The following PDXDC1 variants were observed in gnomAD, a reference collection of about 807,000 sequenced individuals.
PDXDC1 encodes pyridoxal-dependent decarboxylase domain-containing protein 1.
PDXDC1 carries 42 observed loss-of-function variants against 100.1 expected under a neutral mutation model. The ratio of observed to expected loss-of-function variants is 0.42; its 90% CI spans 0.33 to 0.54. The LOEUF is 0.54. Ranked by LOEUF, PDXDC1 falls within the 20% of genes least tolerant of loss-of-function variation. PDXDC1 has a pLI of 0.10. For missense variants in PDXDC1, 636 were observed against 979.2 expected (o/e 0.65, Z 4.68); for synonymous variants, 260 against 371.7 (o/e 0.70, Z 3.46).
At chr16:14,994,596 T>C (rs1223135597) in intron 1 of PDXDC1, among the ~76,000 whole-genome samples, 3 of 152,416 alleles carry the variant, frequency 2.0e-5, no homozygotes, top group Non-Finnish European at 4.4e-5. Context: ...TTTGTTTTTC[T>C]GGCTTAGGAG....
At chr16:15,085,158 A>G (rs1388644140) in intron 16 of PDXDC1, among the ~76,000 whole-genome samples, 2 of 152,244 alleles carry the variant, frequency 1.3e-5, no homozygotes, top group Non-Finnish European at 2.9e-5. Context: ...TAATTTCAAG[A>G]TTTTTCTCCA....
At chr16:15,141,016 C>T (rs1228738350), downstream of PDXDC1, among the ~76,000 whole-genome samples, 2 of 150,568 alleles carry the variant, frequency 1.3e-5, no homozygotes, top group African/African-American at 5.0e-5. Flanking sequence ...GCCGGGGTGG[C>T]CTCCATCCCT....
At chr16:14,977,141 G>A (rs1349406099) in intron 1 of PDXDC1, among the ~76,000 whole-genome samples, 1 of 152,260 alleles carries the variant, frequency 6.6e-6, no homozygotes, top group African/African-American at 2.4e-5. Context: ...ATTCCAGTGT[G>A]TTTAATATTG....
rs1478472622 is a variant in PDXDC1 at position 14,992,425 on chromosome 16, G to C, written c.22-5328G>C. On this transcript the variant is annotated intron_variant, in intron 1 of 22. Coordinates refer to ENST00000396410, the MANE Select transcript of PDXDC1 (RefSeq NM_015027.4). ...CTGTTTATCATTTGGCTAGGTGGTAGGGGACACACGGGAGTGTCACAGCAG... is the reference window on the plus strand; with the variant it reads ...CTGTTTATCATTTGGCTAGGTGGTACGGGACACACGGGAGTGTCACAGCAG... Among the ~76,000 whole-genome samples the C allele has an allele frequency of 3.9e-5, 6 of 152,400 alleles. No homozygotes were observed. In the South Asian group the frequency reaches 6.2e-4, roughly 16 times the overall value.
chr16:14,997,558 A>G (rs551438852), intron 1 of PDXDC1, among the ~76,000 whole-genome samples, 195 bp from the exon 2 acceptor site: 1 of 152,404 alleles, frequency 6.6e-6, no homozygotes, highest in African/African-American at 2.4e-5. Flanking sequence ...AAATAAAAAC[A>G]GCGGCTTCCT....
chr16:15,019,870 T>C (rs1231253415), intron 12 of PDXDC1, among the ~76,000 whole-genome samples: 1 of 152,270 alleles, frequency 6.6e-6, no homozygotes, highest in Non-Finnish European at 1.5e-5. Flanking sequence ...TCCAGCACTT[T>C]GGGAGGCTGA....
intron 16 of PDXDC1, chr16:15,133,547 A>G: frequency 1.0e-6 from 1 of 992,840 alleles, no homozygotes. Context: ...GGCCAGGCCC[A>G]CCTCGAAGTG....
chr16:15,093,703 C>T (rs2046233457), intron 16 of PDXDC1, among the ~76,000 whole-genome samples: 1 of 152,072 alleles, frequency 6.6e-6, no homozygotes, highest in Admixed American at 6.6e-5. Flanking sequence ...AAAAGTGGAG[C>T]AAAATAAAGA....
At chr16:15,104,448 G>T in intron 16 of PDXDC1, 2 of 1,279,166 alleles carry the variant, frequency 1.6e-6, no homozygotes, top group East Asian at 3.4e-5. Context: ...GGAGCTGAGG[G>T]TGGAAGGGGA....
intron 1 of PDXDC1, among the ~76,000 whole-genome samples, chr16:14,992,359 A>G (rs1384282930): frequency 3.3e-5 from 5 of 152,408 alleles, no homozygotes; most frequent in Admixed American, 3.3e-4. Context: ...TATTTCAGAC[A>G]CTATGGTCGT....
chr16:15,125,593 G>C, intron 16 of PDXDC1: 1 of 1,389,616 alleles, frequency 7.2e-7, no homozygotes, highest in South Asian at 1.2e-5. Flanking sequence ...CACCTGTCCA[G>C]CAAAGGCCTG....
chr16:15,031,636 C>T, intron 16 of PDXDC1, 99 bp from the exon 17 acceptor site: 1 of 1,000,910 alleles, frequency 1.0e-6, no homozygotes, highest in Non-Finnish European at 1.5e-6. Context: ...AACTGGAGTA[C>T]CTCGAGCTTT....
At chr16:15,139,611 T>C (rs1280231451), downstream of PDXDC1, among the ~76,000 whole-genome samples, 9 of 148,938 alleles carry the variant, frequency 6.0e-5, no homozygotes, top group Non-Finnish European at 8.9e-5. Flanking sequence ...CAAGACCCCA[T>C]CTCTACAAGG....
Position 15,112,255 on chromosome 16 carries a change from G to C in PDXDC1, c.1400-26624G>C, listed in dbSNP as rs372759971. Among the ~76,000 whole-genome samples the C allele has an allele frequency of 2.2e-3, 319 of 144,686 alleles. 2 individuals are homozygous for C. The highest frequency in any genetic ancestry group is 9.9e-3 in the East Asian group (51 of 5,140). The allele number at this position is 144,686 out of a possible 152,430, so 94.9% of individuals were successfully genotyped here. On this transcript the variant is annotated intron_variant, in intron 16 of 16. Transcript: ENST00000535621. ...ACTTTTTTCTTGAGACGGAGTGTCA[G>C]TCAACCATGCTGAAGTGCAGTGGCG...
intron 16 of PDXDC1, among the ~76,000 whole-genome samples, chr16:15,043,983 G>A (rs2151702021): frequency 1.3e-5 from 2 of 152,176 alleles, no homozygotes; most frequent in South Asian, 4.1e-4. Context: ...TTGCTAATAG[G>A]GAAAAAATGG....
Position 15,032,668 on chromosome 16 carries a change from A to AAAAAAAAAAAAAAAAAAAAAG in PDXDC1, c.1572-192_1572-191insAAAAAAAAAAAAAAAAAAAGA, listed in dbSNP as rs57542228. ...GACCCTGCTTTAAAAAAAAAAAAAA[A>AAAAAAAAAAAAAAAAAAAAAG]AGGCTTTCCTGTGACTTTCTCTTTA... On this transcript the variant is annotated intron_variant, in intron 17 of 22. Coordinates refer to ENST00000396410, the MANE Select transcript of PDXDC1 (RefSeq NM_015027.4). The AAAAAAAAAAAAAAAAAAAAAG allele has an allele frequency of 5.9e-4, 226 of 380,138 alleles. 9 individuals carry two copies. The highest frequency in any genetic ancestry group is 7.4e-4 in the Non-Finnish European group (161 of 217,936). 23.5% of individuals were successfully genotyped at this position (380,138 alleles called of 1,614,324 possible).
chr16:15,128,412 G>C, intron 16 of PDXDC1: 1 of 1,403,548 alleles, frequency 7.1e-7, no homozygotes, highest in Admixed American at 1.7e-5. Flanking sequence ...AGGGAGGGGT[G>C]GGAGGCTCGG....
chr16:15,023,220 A>G (rs1490401090), intron 13 of PDXDC1, among the ~76,000 whole-genome samples: 115 of 152,280 alleles, frequency 7.6e-4, no homozygotes, highest in Admixed American at 6.9e-3. Context: ...TTGTCTTCTG[A>G]TATCTTCCTG....
chr16:15,040,208 C>T (rs2043749966), downstream of PDXDC1: 1 of 454,746 alleles, frequency 2.2e-6, no homozygotes, highest in East Asian at 3.3e-5. Context: ...CTTCCCCCTC[C>T]CTGGAGGGGG....
Sources: allele counts gnomAD v4.1 joint callset (sites outside exome capture counted in the v4.1 genomes callset), GRCh38; gene constraint gnomAD v4.1.1; transcripts MANE v1.5; gene names NCBI Gene and HGNC (gene_info 2026-07-23, HGNC 2026-07-21).